ANKRD11: variants seen among roughly 807,000 people sequenced by gnomAD.
ANKRD11 encodes the protein ankyrin repeat domain 11.
Under a neutral mutation model 195.7 loss-of-function variants are expected in ANKRD11, and 17 were observed. The ratio of observed to expected loss-of-function variants is 0.09; its 90% confidence interval spans 0.06 to 0.13. The LOEUF (loss-of-function observed/expected upper bound fraction) is 0.13, where lower values mean the gene tolerates loss of function less well. ANKRD11 is among the 10% of genes least tolerant of loss of function. The pLI is 1.00. For synonymous variants in ANKRD11, 1,953 were observed against 1,528.1 expected, an observed-to-expected ratio of 1.28 and a Z score of -6.49; for missense variants, 3,735 against 3,566.1, an observed-to-expected ratio of 1.05 and a Z score of -1.21.
chr16:89,393,693 G>T (rs1256339441), intron 2 of ANKRD11, among the ~76,000 whole-genome samples: 2 of 151,922 alleles, frequency 1.3e-5, no homozygotes, highest in Non-Finnish European at 2.9e-5. Context: ...ATTTGTAAGG[G>T]TTAGAAGGGG....
intron 1 of ANKRD11, among the ~76,000 whole-genome samples, chr16:89,484,206 T>C (rs2057532068): frequency 6.6e-6 from 1 of 152,260 alleles, no homozygotes; most frequent in Non-Finnish European, 1.5e-5. Context: ...AGTGGTGCTC[T>C]GGGGTTTTTT....
At chr16:89,422,537 A>G (rs2042559662) in intron 1 of ANKRD11, among the ~76,000 whole-genome samples, 1 of 152,124 alleles carries the variant, frequency 6.6e-6, no homozygotes, top group South Asian at 2.1e-4. Flanking sequence ...ACACTTTTCA[A>G]TATGTCAAGT....
intron 2 of ANKRD11, among the ~76,000 whole-genome samples, chr16:89,359,916 T>G (rs902979776): frequency 2.0e-5 from 3 of 151,830 alleles, no homozygotes; most frequent in Admixed American, 6.6e-5. Context: ...ACTTTTAGGT[T>G]CGGGGGCACA....
rs555710752 is a variant in ANKRD11, at chr16:89,402,309, A to G, written c.-60+15975T>C. ...GAACGAGGCTTGTCTCAGCGATACTAATGTACAGTTCACATGAACTCCTAA... is the reference window on the plus strand; with the variant it reads ...GAACGAGGCTTGTCTCAGCGATACTGATGTACAGTTCACATGAACTCCTAA... On this transcript the variant is annotated intron_variant, in intron 2 of 12. Coordinates refer to ENST00000301030, the MANE Select transcript of ANKRD11 (RefSeq NM_013275.6). Among the ~76,000 whole-genome samples the G allele has an allele frequency of 5.9e-5, 9 of 152,268 alleles. No individual in the cohort carries two copies. The East Asian group carries it at 1.7e-3, about 29-fold the overall frequency.
chr16:89,414,130 C>G (rs1476234236), intron 2 of ANKRD11, among the ~76,000 whole-genome samples: 3 of 152,226 alleles, frequency 2.0e-5, no homozygotes, highest in African/African-American at 7.2e-5. Context: ...TCGCACCTGC[C>G]TTACAAGTTC....
At chr16:89,377,039 C>G (rs554237284) in intron 2 of ANKRD11, among the ~76,000 whole-genome samples, 3 of 152,176 alleles carry the variant, frequency 2.0e-5, no homozygotes, top group Non-Finnish European at 2.9e-5. Flanking sequence ...ATGCTTTGTC[C>G]GTGAAGTCAG....
At chr16:89,373,879 AC>A (rs2040302186) in intron 2 of ANKRD11, among the ~76,000 whole-genome samples, 1 of 152,244 alleles carries the variant, frequency 6.6e-6, no homozygotes, top group Admixed American at 6.5e-5. Flanking sequence ...TGCACTTGAC[AC>A]AGAGGTGGGG....
At chr16:89,480,994 GAC>G (rs2057426642) in intron 1 of ANKRD11, among the ~76,000 whole-genome samples, 1 of 152,108 alleles carries the variant, frequency 6.6e-6, no homozygotes, top group African/African-American at 2.4e-5. Flanking sequence ...AATGGAGAGT[GAC>G]ACACAGTAGG....
In ANKRD11 at chr16:89,343,013, A is replaced by C. The variant is rs191225420; in HGVS notation, c.-59-25935T>G. Among the ~76,000 whole-genome samples the C allele has an allele frequency of 2.0e-5, 3 of 152,304 alleles. No homozygotes were observed. In the East Asian group the frequency reaches 5.8e-4, roughly 29 times the overall value. ...TATGTACTCATGTCTGTTTGCAAAT[A>C]TAAGCGCTTTTTAAATTTTTATTTG... On this transcript the variant is annotated intron_variant, in intron 2 of 12. Transcript: ENST00000301030.
chr16:89,303,160 G>C (rs1223988948), intron 4 of ANKRD11, among the ~76,000 whole-genome samples: 11 of 152,214 alleles, frequency 7.2e-5, no homozygotes, highest in Non-Finnish European at 5.9e-5. Flanking sequence ...AGCAGAAGCA[G>C]ATGCTTGTCT....
intron 1 of ANKRD11, among the ~76,000 whole-genome samples, chr16:89,480,697 G>A (rs1400196684): frequency 2.0e-5 from 3 of 151,842 alleles, no homozygotes; most frequent in Non-Finnish European, 2.9e-5. Flanking sequence ...CTTCTGTTTG[G>A]ACCCAAAACC....
At chr16:89,324,378 G>A in intron 2 of ANKRD11, 1 of 729,760 alleles carries the variant, frequency 1.4e-6, no homozygotes, top group Non-Finnish European at 2.1e-6. Context: ...GGCGGCACGT[G>A]GGCGCAAAGT....
At chr16:89,395,863 C>A (rs2041403687) in intron 2 of ANKRD11, 1 of 152,182 alleles carries the variant, frequency 6.6e-6, no homozygotes, top group Non-Finnish European at 1.5e-5. Flanking sequence ...TGCGGCAAGA[C>A]TGTTTCAACG....
chr16:89,315,285 G>T (rs182502982), intron 3 of ANKRD11, among the ~76,000 whole-genome samples: 3 of 152,172 alleles, frequency 2.0e-5, no homozygotes, highest in Admixed American at 6.5e-5. Flanking sequence ...CGTGAATGCT[G>T]AGTCCCAGGA....
chr16:89,362,000 A>C (rs2039754098), intron 2 of ANKRD11, among the ~76,000 whole-genome samples: 1 of 152,246 alleles, frequency 6.6e-6, no homozygotes, highest in African/African-American at 2.4e-5. Context: ...TCCAGGCAGG[A>C]GGACCCTGAA....
chr16:89,306,214 C>T (rs1597558609), intron 3 of ANKRD11, among the ~76,000 whole-genome samples: 5 of 101,354 alleles, frequency 4.9e-5, no homozygotes, highest in African/African-American at 4.1e-5. Context: ...CACGCGCCAC[C>T]TACCTCCCAC....
At position 89,329,892 on chromosome 16, in the gene ANKRD11, G is replaced by A. The variant is rs150079773; in HGVS notation, c.-59-12814C>T. Among the ~76,000 whole-genome samples the A allele has an allele frequency of 5.0e-3, 763 of 152,142 alleles. 4 individuals carry two copies. The highest frequency in any genetic ancestry group is 0.018 in the African/African-American group (738 of 41,470). On this transcript the variant is annotated intron_variant, in intron 2 of 12. Transcript: ENST00000301030. ...ATGGTGGTGCGTGCCTGTAATCCCA[G>A]CTACTTGGGAGGCTGAGGCACTGGG...
intron 1 of ANKRD11, among the ~76,000 whole-genome samples, chr16:89,449,847 T>A (rs1345679513): frequency 6.7e-6 from 1 of 149,750 alleles, no homozygotes; most frequent in Non-Finnish European, 1.5e-5. Context: ...GGTGCTCACA[T>A]ACTGGCAACA....
chr16:89,433,467 A>G (rs1168700641), intron 1 of ANKRD11, among the ~76,000 whole-genome samples: 1 of 152,198 alleles, frequency 6.6e-6, no homozygotes, highest in Non-Finnish European at 1.5e-5. Flanking sequence ...CAAACATACT[A>G]TTCAGAACAG....
Sources: allele counts gnomAD v4.1 joint callset (sites outside exome capture counted in the v4.1 genomes callset), GRCh38; gene constraint gnomAD v4.1.1; transcripts MANE v1.5; gene names NCBI Gene and HGNC (gene_info 2026-07-23, HGNC 2026-07-21).